The following PPFIBP1 variants were observed in gnomAD, a reference collection of about 807,000 sequenced individuals.
PPFIBP1 encodes the protein liprin-beta-1.
In PPFIBP1, 112 loss-of-function variants were observed where a neutral mutation model predicts 137.8. The observed-to-expected ratio is 0.81, with a 90% CI of 0.70 to 0.95. The LOEUF (loss-of-function observed/expected upper bound fraction) is 0.95, where lower values mean the gene tolerates loss of function less well. PPFIBP1 is among the 40% of genes least tolerant of loss of function. The probability of loss-of-function intolerance (pLI) is 0.00; values close to 1 mark genes in which losing one functional copy is unlikely to be tolerated. For missense variants in PPFIBP1, 1,083 were observed against 1,196.6 expected (o/e 0.91, Z 1.40); for synonymous variants, 378 against 417.3 (o/e 0.91, Z 1.15).
chr12:27,585,664 T>C (rs1179356727), intron 2 of PPFIBP1, among the ~76,000 whole-genome samples: 1 of 152,178 alleles, frequency 6.6e-6, no homozygotes, highest in Non-Finnish European at 1.5e-5. Context: ...AAATGTACAC[T>C]AACTACGGGT....
chr12:27,531,500 A>G (rs1186457673), intron 1 of PPFIBP1, among the ~76,000 whole-genome samples: 1 of 149,884 alleles, frequency 6.7e-6, no homozygotes, highest in African/African-American at 2.5e-5. Flanking sequence ...ACAGGGTTTC[A>G]CCATCGTGGC....
At chr12:27,681,525 C>A (rs1171324465) in intron 21 of PPFIBP1, 21 bp from the exon 22 acceptor site, 7 of 1,609,754 alleles carry the variant, frequency 4.3e-6, no homozygotes, top group Non-Finnish European at 5.9e-6. Context: ...ATTTTTCATG[C>A]AATTACTCAT....
chr12:27,551,378 T>C (rs570395357), intron 1 of PPFIBP1, among the ~76,000 whole-genome samples: 1 of 152,294 alleles, frequency 6.6e-6, no homozygotes, highest in East Asian at 1.9e-4. Flanking sequence ...TGACCTCCAC[T>C]AGTACTACGA....
In PPFIBP1 at chr12:27,689,173, T is replaced by A; in HGVS notation, c.2655T>A (p.Tyr885Ter). The change falls in exon 27 of 30, where the codon TAT becomes TAA. Residue 885 changes from tyrosine (Y) to a stop codon, truncating the protein, a stop_gained. Transcript: ENST00000228425. LOFTEE classifies it high-confidence loss of function. ...QKRDAMELPD[Y>*]VLLTATAKVK... is the part of the protein sequence containing the mutation. Reference sequence around the variant, plus strand: ...GAGATGCCATGGAGCTGCCGGATTATGTACTTCTAACAGCTACTGCCAAAG... The same window carrying A: ...GAGATGCCATGGAGCTGCCGGATTAAGTACTTCTAACAGCTACTGCCAAAG... 1 of 1,586,434 alleles carries A rather than the reference T, an allele frequency of 6.3e-7. No homozygotes were observed. The highest frequency in any genetic ancestry group is 8.5e-7 in the Non-Finnish European group (1 of 1,171,526).
At chr12:27,578,919 G>A (rs1175147212) in intron 2 of PPFIBP1, among the ~76,000 whole-genome samples, 1 of 152,212 alleles carries the variant, frequency 6.6e-6, no homozygotes, top group Non-Finnish European at 1.5e-5. Flanking sequence ...GGTAAGGAGC[G>A]TGCTGACAGT....
intron 2 of PPFIBP1, among the ~76,000 whole-genome samples, chr12:27,614,671 A>G (rs1220547838): frequency 2.6e-5 from 4 of 152,160 alleles, no homozygotes; most frequent in East Asian, 1.9e-4. Flanking sequence ...GTCAGGTGCT[A>G]TTTTCAAACA....
intron 1 of PPFIBP1, among the ~76,000 whole-genome samples, chr12:27,532,513 C>G (rs1020044316): frequency 6.6e-6 from 1 of 150,618 alleles, no homozygotes; most frequent in Non-Finnish European, 1.5e-5. Flanking sequence ...TCGAGAAATA[C>G]AAAATATGTT....
intron 10 of PPFIBP1, among the ~76,000 whole-genome samples, chr12:27,659,622 T>G (rs951733746): frequency 6.6e-6 from 1 of 150,390 alleles, no homozygotes; most frequent in African/African-American, 2.5e-5. Flanking sequence ...GATCTTGCCA[T>G]TGTACCACGG....
chr12:27,544,196 G>T (rs1945981531), intron 1 of PPFIBP1, among the ~76,000 whole-genome samples: 1 of 152,056 alleles, frequency 6.6e-6, no homozygotes, highest in African/African-American at 2.4e-5. Flanking sequence ...TTTTAAATTT[G>T]CAGCCAAAGT....
chr12:27,531,536 C>T (rs1944430245), intron 1 of PPFIBP1, among the ~76,000 whole-genome samples: 1 of 151,724 alleles, frequency 6.6e-6, no homozygotes, highest in Non-Finnish European at 1.5e-5. Context: ...CTCCTGATCT[C>T]AGATGATCTG....
Position 27,651,005 on chromosome 12 carries a change from A to G in PPFIBP1, c.603+864A>G, listed in dbSNP as rs1258652155. ...GGATTAGAAAATGGGTACCAAGGAG[A>G]GAGGAGAGAAAATGGTTTACTTATT... On this transcript the variant is annotated intron_variant, in intron 7 of 29. Transcript: ENST00000228425. 2.1e-4 allele frequency among the ~76,000 whole-genome samples: 32 copies of G among 152,120 alleles called. 1 individual carries two copies. The highest frequency in any genetic ancestry group is 2.1e-3 in the Admixed American group (32 of 15,270).
intron 25 of PPFIBP1, among the ~76,000 whole-genome samples, 195 bp downstream of exon 25, chr12:27,687,702 G>A (rs2061283960): frequency 6.6e-6 from 1 of 152,034 alleles, no homozygotes; most frequent in African/African-American, 2.4e-5. Flanking sequence ...TAAAGCCAAG[G>A]GTTCTTTTTC....
At chr12:27,529,562 C>T (rs1318311692) in intron 1 of PPFIBP1, among the ~76,000 whole-genome samples, 1 of 152,156 alleles carries the variant, frequency 6.6e-6, no homozygotes, top group Non-Finnish European at 1.5e-5. Context: ...AATGTGGTGG[C>T]GCATGCCTGT....
At chr12:27,524,613 A>G (rs1364250894) in intron 1 of PPFIBP1, among the ~76,000 whole-genome samples, 1 of 151,916 alleles carries the variant, frequency 6.6e-6, no homozygotes, top group Non-Finnish European at 1.5e-5. Flanking sequence ...TCTTGTCTGT[A>G]TCCTTAGACC....
At chr12:27,595,893 ATAT>A (rs1565838165) in intron 2 of PPFIBP1, among the ~76,000 whole-genome samples, 11,440 of 83,214 alleles carry the variant, frequency 0.14, 696 homozygotes, top group East Asian at 0.4. Flanking sequence ...CAAAATATAT[ATAT>A]ATATATATAT....
At chr12:27,625,855 A>T (rs1038627196) in intron 2 of PPFIBP1, among the ~76,000 whole-genome samples, 22 of 152,178 alleles carry the variant, frequency 1.4e-4, no homozygotes, top group Admixed American at 2.6e-4. Flanking sequence ...AAGTGCTGGG[A>T]TTACAGGGTG....
At chr12:27,591,483 A>G (rs1165166808) in intron 2 of PPFIBP1, among the ~76,000 whole-genome samples, 1 of 152,138 alleles carries the variant, frequency 6.6e-6, no homozygotes, top group Non-Finnish European at 1.5e-5. Flanking sequence ...GTTAAGATTT[A>G]CTGAAAACCC....
chr12:27,546,203 G>A (rs988886164), intron 1 of PPFIBP1, among the ~76,000 whole-genome samples: 1 of 152,128 alleles, frequency 6.6e-6, no homozygotes, highest in Non-Finnish European at 1.5e-5. Context: ...AGATTGTTGT[G>A]GGAAAGAAGC....
At chr12:27,668,155 T>C (rs1001260820) in intron 13 of PPFIBP1, among the ~76,000 whole-genome samples, 1 of 152,166 alleles carries the variant, frequency 6.6e-6, no homozygotes, top group Non-Finnish European at 1.5e-5. Flanking sequence ...CTCGCCCCCT[T>C]TCCGAAGACC....
Sources: allele counts gnomAD v4.1 joint callset (sites outside exome capture counted in the v4.1 genomes callset), GRCh38; gene constraint gnomAD v4.1.1; transcripts MANE v1.5; gene names NCBI Gene and HGNC (gene_info 2026-07-23, HGNC 2026-07-21).